The following RORA variants were observed in gnomAD, a reference collection of about 807,000 sequenced individuals.
RORA encodes RAR related orphan receptor A, also known as nuclear receptor ROR-alpha.
A neutral mutation model predicts 69.5 loss-of-function variants in RORA; 7 were observed. The observed-to-expected ratio is 0.10, with a 90% CI of 0.06 to 0.19. The LOEUF (loss-of-function observed/expected upper bound fraction) is 0.19, where lower values mean the gene tolerates loss of function less well. Ranked by LOEUF, RORA falls within the 10% of genes least tolerant of loss-of-function variation. The probability of loss-of-function intolerance (pLI) is 1.00; values close to 1 mark genes in which losing one functional copy is unlikely to be tolerated. For synonymous variants in RORA, 261 were observed against 240.8 expected (o/e 1.08, Z -0.78); for missense variants, 457 against 663.0 (o/e 0.69, Z 3.41).
chr15:60,819,427 T>C (rs1252138830), intron 1 of RORA, among the ~76,000 whole-genome samples: 2 of 152,166 alleles, frequency 1.3e-5, no homozygotes, highest in East Asian at 3.8e-4. Context: ...CTCCTGAAAA[T>C]ACTAGGTAAC....
At chr15:60,914,952 C>T (rs1029429061) in intron 1 of RORA, among the ~76,000 whole-genome samples, 1 of 152,156 alleles carries the variant, frequency 6.6e-6, no homozygotes, top group African/African-American at 2.4e-5. Context: ...CAAATGCTTC[C>T]ACCTTTCATT....
At chr15:60,603,994 C>T (rs931232205) in intron 2 of RORA, among the ~76,000 whole-genome samples, 2 of 151,690 alleles carry the variant, frequency 1.3e-5, no homozygotes, top group African/African-American at 4.8e-5. Flanking sequence ...AGAAATTAGC[C>T]GGGCATGGTG....
At chr15:60,842,398 C>T (rs1320921182) in intron 1 of RORA, among the ~76,000 whole-genome samples, 1 of 152,200 alleles carries the variant, frequency 6.6e-6, no homozygotes, top group Admixed American at 6.5e-5. Context: ...AAGCATTAAT[C>T]ATAATAGATA....
intron 1 of RORA, among the ~76,000 whole-genome samples, chr15:60,888,502 A>G (rs1248308553): frequency 6.6e-6 from 1 of 152,216 alleles, no homozygotes; most frequent in Non-Finnish European, 1.5e-5. Context: ...GCAAACACAC[A>G]CATGCACACA....
chr15:60,805,007 T>C (rs1299859746), intron 1 of RORA, among the ~76,000 whole-genome samples: 1 of 152,204 alleles, frequency 6.6e-6, no homozygotes, highest in Non-Finnish European at 1.5e-5. Context: ...GAAAATGGCT[T>C]CCCAGACACA....
At chr15:60,830,661 G>C (rs929000301) in intron 1 of RORA, among the ~76,000 whole-genome samples, 1 of 152,206 alleles carries the variant, frequency 6.6e-6, no homozygotes, top group Non-Finnish European at 1.5e-5. Flanking sequence ...GCTGTTTCAA[G>C]TATGGCTGGA....
intron 1 of RORA, among the ~76,000 whole-genome samples, chr15:60,728,405 T>C (rs1203408150): frequency 6.6e-6 from 1 of 152,204 alleles, no homozygotes; most frequent in Non-Finnish European, 1.5e-5. Context: ...CCTGCTTGTG[T>C]AGGGACTAGG....
chr15:61,178,368 T>C (rs2079650517), intron 1 of RORA, among the ~76,000 whole-genome samples: 1 of 152,238 alleles, frequency 6.6e-6, no homozygotes, highest in Non-Finnish European at 1.5e-5. Context: ...AAATTAAAAC[T>C]CTTTCATCCT....
intron 1 of RORA, among the ~76,000 whole-genome samples, chr15:61,201,887 A>T (rs2140927083): frequency 6.6e-6 from 1 of 152,336 alleles, no homozygotes; most frequent in African/African-American, 2.4e-5. Flanking sequence ...ACAAAGAACA[A>T]ATTAGTTCCT....
intron 2 of RORA, among the ~76,000 whole-genome samples, chr15:60,570,493 T>TTTA (rs375659438): frequency 5.9e-5 from 9 of 151,732 alleles, no homozygotes; most frequent in African/African-American, 9.7e-5. Flanking sequence ...CCATACCCAG[T>TTTA]TTATTATTAT....
intron 1 of RORA, among the ~76,000 whole-genome samples, chr15:60,832,956 G>A (rs926296281): frequency 6.6e-6 from 1 of 152,020 alleles, no homozygotes; most frequent in African/African-American, 2.4e-5. Flanking sequence ...CCAGGCTGGA[G>A]TGCAGTGGCG....
chr15:60,546,663 C>G (rs1275050973), intron 2 of RORA, among the ~76,000 whole-genome samples: 2 of 152,114 alleles, frequency 1.3e-5, no homozygotes, highest in Non-Finnish European at 2.9e-5. Flanking sequence ...AATGTCACAA[C>G]TAAAATTTAC....
intron 1 of RORA, among the ~76,000 whole-genome samples, chr15:61,059,988 G>GAA (rs2078155698): frequency 0.013 from 1,086 of 85,680 alleles, 20 homozygotes; most frequent in African/African-American, 0.035. Flanking sequence ...AAGAGGAAGA[G>GAA]GAAGAAGAAG....
intron 8 of RORA, among the ~76,000 whole-genome samples, chr15:60,501,389 G>T (rs1257357001): frequency 6.6e-6 from 1 of 152,132 alleles, no homozygotes; most frequent in Non-Finnish European, 1.5e-5. Context: ...GGCAAGTATT[G>T]CTCTAAGGTA....
chr15:60,635,929 T>A (rs1028378395), intron 2 of RORA, among the ~76,000 whole-genome samples: 1 of 152,162 alleles, frequency 6.6e-6, no homozygotes, highest in African/African-American at 2.4e-5. Context: ...GTTCCTATAT[T>A]TTCAGATCAG....
At chr15:60,795,962 A>G (rs2072489763) in intron 1 of RORA, among the ~76,000 whole-genome samples, 1 of 152,240 alleles carries the variant, frequency 6.6e-6, no homozygotes, top group African/African-American at 2.4e-5. Flanking sequence ...ACATTACAGG[A>G]TCATTGTGGG....
At chr15:60,893,639 G>T (rs991129116) in intron 1 of RORA, among the ~76,000 whole-genome samples, 12 of 152,106 alleles carry the variant, frequency 7.9e-5, no homozygotes, top group Non-Finnish European at 1.5e-4. Context: ...AGCCCTCTAA[G>T]AAAGAGGCTC....
intron 1 of RORA, among the ~76,000 whole-genome samples, chr15:60,877,433 T>C (rs909222066): frequency 6.6e-6 from 1 of 152,228 alleles, no homozygotes; most frequent in Admixed American, 6.5e-5. Flanking sequence ...ATGACTTTTT[T>C]TGGACACAAA....
At chr15:61,054,570 A>T (rs566826615) in intron 1 of RORA, among the ~76,000 whole-genome samples, 74 of 152,350 alleles carry the variant, frequency 4.9e-4, no homozygotes, top group African/African-American at 1.7e-3. Flanking sequence ...GGCTCCAAGC[A>T]ATAATTAGCA....
Sources: allele counts gnomAD v4.1 joint callset (sites outside exome capture counted in the v4.1 genomes callset), GRCh38; gene constraint gnomAD v4.1.1; transcripts MANE v1.5; gene names NCBI Gene and HGNC (gene_info 2026-07-23, HGNC 2026-07-21).